STAG1: variants seen among roughly 807,000 people sequenced by gnomAD.
The protein encoded by STAG1 is cohesin subunit SA-1.
A neutral mutation model predicts 170.9 loss-of-function variants in STAG1; 26 were observed. The observed-to-expected ratio is 0.15, with a 90% CI of 0.11 to 0.21. The LOEUF (loss-of-function observed/expected upper bound fraction) is 0.21, where lower values mean the gene tolerates loss of function less well. Ranked by LOEUF, STAG1 falls within the 10% of genes least tolerant of loss-of-function variation. STAG1 has a pLI of 1.00. For synonymous variants in STAG1, 514 were observed against 497.7 expected (o/e 1.03, Z -0.44); for missense variants, 964 against 1,509.5 (o/e 0.64, Z 5.99).
At chr3:136,379,023 A>G (rs1937777327) in intron 22 of STAG1, among the ~76,000 whole-genome samples, 2 of 152,234 alleles carry the variant, frequency 1.3e-5, no homozygotes, top group South Asian at 2.1e-4. Context: ...TTCAAAAATT[A>G]CACACATATT....
At chr3:136,704,983 TAAC>T (rs1476518692) in intron 1 of STAG1, among the ~76,000 whole-genome samples, 7 of 151,976 alleles carry the variant, frequency 4.6e-5, no homozygotes, top group Non-Finnish European at 8.8e-5. Flanking sequence ...CAATAATACC[TAAC>T]AATAAACTTC....
At chr3:136,621,055 G>A (rs961307474) in intron 3 of STAG1, among the ~76,000 whole-genome samples, 2 of 152,022 alleles carry the variant, frequency 1.3e-5, no homozygotes, top group Non-Finnish European at 2.9e-5. Context: ...TTGAACCCAG[G>A]AGGCACGGGT....
intron 5 of STAG1, among the ~76,000 whole-genome samples, chr3:136,550,841 T>C (rs893012011): frequency 6.6e-6 from 1 of 152,190 alleles, no homozygotes; most frequent in Non-Finnish European, 1.5e-5. Flanking sequence ...AGGTATTTTA[T>C]ACAATGTCTT....
intron 15 of STAG1, among the ~76,000 whole-genome samples, chr3:136,442,169 G>C (rs1368580765): frequency 6.6e-6 from 1 of 152,202 alleles, no homozygotes; most frequent in Non-Finnish European, 1.5e-5. Context: ...CTGCACTCCA[G>C]TGTGGGTGAC....
chr3:136,681,634 A>C (rs1373743779), intron 1 of STAG1, among the ~76,000 whole-genome samples: 1 of 152,216 alleles, frequency 6.6e-6, no homozygotes, highest in East Asian at 1.9e-4. Flanking sequence ...CAAATGTTTC[A>C]AGATTAAACA....
At chr3:136,471,406 C>T (rs1215661604) in intron 12 of STAG1, among the ~76,000 whole-genome samples, 1 of 151,634 alleles carries the variant, frequency 6.6e-6, no homozygotes, top group Non-Finnish European at 1.5e-5. Context: ...AAACAAAAAT[C>T]AGACACAAGA....
At chr3:136,485,480 C>G (rs1576518648) in intron 9 of STAG1, among the ~76,000 whole-genome samples, 2 of 152,066 alleles carry the variant, frequency 1.3e-5, no homozygotes, top group South Asian at 2.1e-4. Flanking sequence ...AGTAGCTCTA[C>G]TATAAACTGT....
intron 13 of STAG1, among the ~76,000 whole-genome samples, chr3:136,458,099 G>T (rs1291640356): frequency 6.6e-6 from 1 of 152,138 alleles, no homozygotes; most frequent in Non-Finnish European, 1.5e-5. Flanking sequence ...TACAATCAAA[G>T]TTATTATAAG....
At chr3:136,588,389 T>G (rs1937954674) in intron 4 of STAG1, among the ~76,000 whole-genome samples, 1 of 152,172 alleles carries the variant, frequency 6.6e-6, no homozygotes, top group South Asian at 2.1e-4. Flanking sequence ...CAGGCTGTAG[T>G]GCAATGGTTG....
intron 1 of STAG1, among the ~76,000 whole-genome samples, chr3:136,710,552 C>G (rs1943355321): frequency 6.6e-6 from 1 of 152,142 alleles, no homozygotes; most frequent in African/African-American, 2.4e-5. Flanking sequence ...CTTTTTACTT[C>G]ACTTCCACTG....
intron 4 of STAG1, among the ~76,000 whole-genome samples, chr3:136,600,968 G>T (rs1938648748): frequency 6.6e-6 from 1 of 152,028 alleles, no homozygotes; most frequent in Non-Finnish European, 1.5e-5. Context: ...TTGGCTCACT[G>T]CGACCTCCGC....
intron 1 of STAG1, among the ~76,000 whole-genome samples, chr3:136,713,205 T>C (rs1943431514): frequency 6.6e-6 from 1 of 152,250 alleles, no homozygotes; most frequent in Admixed American, 6.5e-5. Flanking sequence ...ATCACACAAG[T>C]ATATAGTTCC....
chr3:136,732,521 G>A (rs943085981), intron 1 of STAG1, among the ~76,000 whole-genome samples: 6 of 152,258 alleles, frequency 3.9e-5, no homozygotes, highest in South Asian at 2.1e-4. Flanking sequence ...CCTAATTTCC[G>A]AAATATGTTT....
intron 9 of STAG1, among the ~76,000 whole-genome samples, chr3:136,494,357 A>G (rs1932956940): frequency 6.6e-6 from 1 of 152,210 alleles, no homozygotes; most frequent in South Asian, 2.1e-4. Context: ...CCTTTACACA[A>G]AGAAAAGCCT....
chr3:136,507,863 G>C (rs1381696657), intron 7 of STAG1, among the ~76,000 whole-genome samples: 1 of 152,116 alleles, frequency 6.6e-6, no homozygotes, highest in Non-Finnish European at 1.5e-5. Context: ...GGACAATGTG[G>C]TATTCCAGAA....
At chr3:136,451,204 A>C (rs1314572199) in intron 14 of STAG1, among the ~76,000 whole-genome samples, 1 of 152,044 alleles carries the variant, frequency 6.6e-6, no homozygotes, top group East Asian at 1.9e-4. Flanking sequence ...TTGGTGGAAA[A>C]ACCGAAGTTT....
chr3:136,653,127 C>T (rs1333750189), intron 1 of STAG1, among the ~76,000 whole-genome samples: 1 of 151,968 alleles, frequency 6.6e-6, no homozygotes, highest in Admixed American at 6.6e-5. Context: ...ACAAAATTTG[C>T]CAGGCGTGGT....
intron 1 of STAG1, among the ~76,000 whole-genome samples, chr3:136,740,737 C>T (rs997108723): frequency 6.6e-6 from 1 of 152,148 alleles, no homozygotes; most frequent in Non-Finnish European, 1.5e-5. Context: ...GCCCCAGCCT[C>T]CAAAAGGGCT....
rs564521999 is a variant in STAG1 at position 136,587,152 on chromosome 3, G to A, written c.297+17157C>T. Among the ~76,000 whole-genome samples, 4 of 151,106 alleles carry A rather than the reference G, an allele frequency of 2.6e-5. No individual in the cohort carries two copies. The East Asian group carries it at 7.8e-4, about 29-fold the overall frequency. On this transcript the variant is annotated intron_variant, in intron 4 of 33. Coordinates refer to ENST00000383202, the MANE Select transcript of STAG1 (RefSeq NM_005862.3). ...TAAAATACCCAAAGTTAATTTCAGA[G>A]ACTTTCTAATTATGTTAAAAAAAAA...
Sources: allele counts gnomAD v4.1 joint callset (sites outside exome capture counted in the v4.1 genomes callset), GRCh38; gene constraint gnomAD v4.1.1; transcripts MANE v1.5; gene names NCBI Gene and HGNC (gene_info 2026-07-23, HGNC 2026-07-21).